Variants in TOMM34 observed in about 807,000 individuals in gnomAD.
The protein encoded by TOMM34 is translocase of outer mitochondrial membrane 34.
A neutral mutation model predicts 37.4 loss-of-function variants in TOMM34; 24 were observed. That is an observed-to-expected ratio of 0.64 (90% CI 0.46 to 0.90). The LOEUF is 0.90. TOMM34 is among the 40% of genes least tolerant of loss of function. The pLI is 0.00. For missense variants in TOMM34, 304 were observed against 375.6 expected (o/e 0.81, Z 1.58); for synonymous variants, 154 against 148.9 (o/e 1.03, Z -0.25).
chr20:44,956,267 T>C (rs541139282), intron 2 of TOMM34, 119 bp downstream of exon 2: 1 of 992,632 alleles, frequency 1.0e-6, no homozygotes, highest in African/African-American at 1.6e-5. Flanking sequence ...AGTGACACTT[T>C]CTTAATATCT....
intron 5 of TOMM34, among the ~76,000 whole-genome samples, chr20:44,945,549 C>G (rs184255241): frequency 6.6e-6 from 1 of 152,216 alleles, no homozygotes; most frequent in South Asian, 2.1e-4. Context: ...GAGGCCACCA[C>G]GCTCTCAGGA....
chr20:44,960,280 CTCATT>C lies in TOMM34; in HGVS notation c.49_53del (p.Asn17GlufsTer68). On this transcript the variant is annotated frameshift_variant, in exon 1 of 7. Transcript: ENST00000372813. LOFTEE classifies it high-confidence loss of function. The stretch of plus-strand genomic sequence containing the variant: ...CGGCGTACTGGCCGTTGCGGAAACT[CTCATT>C]GCCGGCGGCGCGGAGCTCCTCCACA... 6.3e-7 allele frequency: 1 copy of C among 1,581,932 alleles called. No individual in the cohort carries two copies. The highest frequency in any genetic ancestry group is 8.6e-7 in the Non-Finnish European group (1 of 1,164,860).
chr20:44,960,234 G>C lies in TOMM34; in HGVS notation c.100C>G (p.Arg34Gly), dbSNP rs1019535570. The C allele has an allele frequency of 9.0e-6, 14 of 1,563,348 alleles. No individual in the cohort carries two copies. The Admixed American group carries it at 1.1e-4, about 13-fold the overall frequency. ...QYAEASALYG[R>G]ALRVLQAQGS... is the part of the protein sequence containing the mutation. ...TGCGCCTGCAGCACCCGCAGCGCGC[G>C]GCCGTAGAGCGCGGAGGCCTCGGCG... Residue 34 changes from arginine to glycine, a missense_variant, in exon 1 of 7, where the codon CGC becomes GGC. Arg to Gly is a moderately radical substitution (Grantham distance 125). Transcript: ENST00000372813.
intron 5 of TOMM34, among the ~76,000 whole-genome samples, chr20:44,947,558 G>C (rs2066991156): frequency 6.6e-6 from 1 of 152,174 alleles, no homozygotes; most frequent in Non-Finnish European, 1.5e-5. Flanking sequence ...GAGTGCAGTG[G>C]CACAATCTTG....
chr20:44,955,547 G>T (rs1363666774), intron 2 of TOMM34: 1 of 479,928 alleles, frequency 2.1e-6, no homozygotes, highest in African/African-American at 2.0e-5. Flanking sequence ...GGTCTAGTGG[G>T]AATAACAAAC....
chr20:44,945,802 GT>G (rs1325612402), intron 5 of TOMM34, among the ~76,000 whole-genome samples: 1 of 152,096 alleles, frequency 6.6e-6, no homozygotes, highest in Non-Finnish European at 1.5e-5. Context: ...TAAAATGGTT[GT>G]TGTAAATCAC....
intron 4 of TOMM34, 35 bp downstream of exon 4, chr20:44,951,798 G>A: frequency 6.3e-7 from 1 of 1,587,406 alleles, no homozygotes; most frequent in Non-Finnish European, 8.6e-7. Context: ...GATAGTGGGA[G>A]ATTGCAAGAC....
chr20:44,957,596 C>G (rs1050529043), intron 1 of TOMM34, among the ~76,000 whole-genome samples: 1 of 151,984 alleles, frequency 6.6e-6, no homozygotes, highest in East Asian at 1.9e-4. Context: ...TACAGAAGAC[C>G]ATTATCTCAG....
At chr20:44,958,957 G>A (rs2067101808) in intron 1 of TOMM34, 2 of 151,642 alleles carry the variant, frequency 1.3e-5, no homozygotes, top group Non-Finnish European at 2.9e-5. Context: ...ATGAAATCTG[G>A]AGAGGATGTG....
chr20:44,946,750 G>A (rs2066984103), intron 5 of TOMM34, among the ~76,000 whole-genome samples: 1 of 152,182 alleles, frequency 6.6e-6, no homozygotes. Flanking sequence ...TGTCCAAGAC[G>A]TTCCAGGACA....
intron 1 of TOMM34, chr20:44,958,303 CAAT>C (rs1193385110): frequency 6.4e-6 from 3 of 468,248 alleles, no homozygotes; most frequent in African/African-American, 2.0e-5. Context: ...TCAATACCAA[CAAT>C]AACAAGCGTT....
At chr20:44,955,593 C>T (rs1204039620) in intron 2 of TOMM34, 8 of 461,584 alleles carry the variant, frequency 1.7e-5, no homozygotes, top group Non-Finnish European at 3.0e-5. Context: ...GTCTGAATTC[C>T]ACCTCTGCTG....
intron 1 of TOMM34, chr20:44,959,812 A>C (rs1389732980): frequency 2.0e-6 from 1 of 499,612 alleles, no homozygotes; most frequent in Non-Finnish European, 2.6e-6. Context: ...TCGTTTACTT[A>C]CTGACTCGCT....
intron 2 of TOMM34, chr20:44,955,657 G>C: frequency 2.2e-6 from 1 of 457,216 alleles, no homozygotes; most frequent in Non-Finnish European, 4.4e-6. Context: ...CAGCAACCAA[G>C]TTCTGGCCTG....
Position 44,943,714 on chromosome 20 carries a change from C to T in TOMM34, c.699-135G>A, listed in dbSNP as rs1052717598. On this transcript the variant is annotated intron_variant, in intron 5 of 6. Transcript: ENST00000372813. ...TGGTTACTTTATGTCTTCTTAAATC[C>T]TCACAACAATCCTAGCCCTTTTCAT... The T allele has an allele frequency of 1.0e-5, 14 of 1,336,810 alleles. No homozygotes were observed. In the South Asian group the frequency reaches 1.7e-4, roughly 16 times the overall value. 82.8% of individuals were successfully genotyped at this position (1,336,810 alleles called of 1,614,324 possible).
intron 5 of TOMM34, among the ~76,000 whole-genome samples, chr20:44,948,008 A>T (rs1400146063): frequency 2.0e-5 from 3 of 152,218 alleles, no homozygotes; most frequent in African/African-American, 7.2e-5. Flanking sequence ...AGTAACAGGA[A>T]GATCTTGTTG....
Position 44,960,374 on chromosome 20 carries a change from C to G in TOMM34, c.-41G>C. 2 of 1,515,340 alleles carry G rather than the reference C, an allele frequency of 1.3e-6. No individual in the cohort carries two copies. Among genetic ancestry groups the G allele is most frequent in the Non-Finnish European group, 1.8e-6 (2 of 1,127,206 alleles). The allele number at this position is 1,515,340 out of a possible 1,614,324, so 93.9% of individuals were successfully genotyped here. A position where few individuals can be genotyped will look rare whatever the true frequency, so the allele number is the denominator to read the frequency against. ...GCGAGTTGGGAGCTCCTTCCTTCCT[C>G]CCCCGTGTGGTGCGGCACACCTTCC... On this transcript the variant is annotated 5_prime_UTR_variant, in exon 1 of 7. Coordinates refer to ENST00000372813, the MANE Select transcript of TOMM34 (RefSeq NM_006809.5).
At chr20:44,943,854 T>G (rs1402447476) in intron 5 of TOMM34, among the ~76,000 whole-genome samples, 1 of 152,178 alleles carries the variant, frequency 6.6e-6, no homozygotes, top group Non-Finnish European at 1.5e-5. Context: ...CTCCAGATCC[T>G]GATCTCATCT....
At chr20:44,946,948 G>T (rs2066985695) in intron 5 of TOMM34, among the ~76,000 whole-genome samples, 1 of 152,192 alleles carries the variant, frequency 6.6e-6, no homozygotes, top group South Asian at 2.1e-4. Flanking sequence ...TGATTAAGAA[G>T]AATGAAGAAA....
Sources: gnomAD v4.1 joint callset for allele counts (sites outside exome capture counted in the v4.1 genomes callset) on GRCh38, gnomAD v4.1.1 for gene constraint, MANE v1.5 for transcripts, NCBI Gene and HGNC (gene_info 2026-07-23, HGNC 2026-07-21) for gene names.